The following SDCCAG8 variants were observed in gnomAD, a reference collection of about 807,000 sequenced individuals.
SDCCAG8 encodes the protein serologically defined colon cancer antigen 8.
A neutral mutation model predicts 101.8 loss-of-function variants in SDCCAG8; 74 were observed. The observed-to-expected ratio is 0.73, with a 90% CI of 0.60 to 0.88. The LOEUF is 0.88. Ranked by LOEUF, SDCCAG8 falls within the 40% of genes least tolerant of loss-of-function variation. The probability of loss-of-function intolerance (pLI) is 0.00; values close to 1 mark genes in which losing one functional copy is unlikely to be tolerated. For missense variants in SDCCAG8, 787 were observed against 822.6 expected (o/e 0.96, Z 0.53); for synonymous variants, 281 against 292.9 (o/e 0.96, Z 0.41).
At chr1:243,478,956 C>CAA (rs148382740) in intron 16 of SDCCAG8, among the ~76,000 whole-genome samples, 18 of 94,656 alleles carry the variant, frequency 1.9e-4, no homozygotes, top group East Asian at 9.4e-4. Context: ...GACTCTGTCT[C>CAA]AAAAAAAAAA....
intron 10 of SDCCAG8, among the ~76,000 whole-genome samples, chr1:243,338,290 T>C (rs561908308): frequency 6.6e-6 from 1 of 152,332 alleles, no homozygotes; most frequent in South Asian, 2.1e-4. Context: ...CAGTTAATCA[T>C]AACATTGTAA....
Position 243,476,463 on chromosome 1 carries a change from A to C in SDCCAG8, c.1986-12551A>C, listed in dbSNP as rs1662428646. ...AGTTTGACTATCCCAAGAATGGTCA[A>C]ATATGAAGGAAATTGAGGAAGACCT... is the stretch of plus-strand genomic sequence containing the variant. On this transcript the variant is annotated intron_variant, in intron 16 of 17. Transcript: ENST00000366541. The C allele has an allele frequency of 1.1e-5, 7 of 662,282 alleles. No individual in the cohort carries two copies. The South Asian group carries it at 2.7e-4, about 25-fold the overall frequency. 41.0% of individuals were successfully genotyped at this position (662,282 alleles called of 1,614,324 possible). A position where few individuals can be genotyped will look rare whatever the true frequency, so the allele number is the denominator to read the frequency against.
At position 243,489,010 on chromosome 1, in the gene SDCCAG8, C is replaced by T. The variant is rs1665718706; in HGVS notation, c.1986-4C>T. ...CTTTAATTCTGCGGTGGATTTTTCTCCAGGCTAAGGCAGCTGGATAAGCAC... is the reference window on the plus strand; with the variant it reads ...CTTTAATTCTGCGGTGGATTTTTCTTCAGGCTAAGGCAGCTGGATAAGCAC... On this transcript the variant is annotated splice_polypyrimidine_tract_variant and splice_region_variant and intron_variant, in intron 16 of 17. Coordinates refer to ENST00000366541, the MANE Select transcript of SDCCAG8 (RefSeq NM_006642.5). The T allele has an allele frequency of 1.9e-6, 3 of 1,613,254 alleles. No individual in the cohort carries two copies. The highest frequency in any genetic ancestry group is 2.5e-6 in the Non-Finnish European group (3 of 1,180,038).
At chr1:243,296,736 G>A (rs1437744327) in intron 6 of SDCCAG8, among the ~76,000 whole-genome samples, 13 of 150,788 alleles carry the variant, frequency 8.6e-5, no homozygotes, top group Non-Finnish European at 1.3e-4. Context: ...TAGTAGAGAC[G>A]GGGTTTCACC....
At chr1:243,319,361 T>TTTTATA (rs1388753416) in intron 9 of SDCCAG8, among the ~76,000 whole-genome samples, 10 of 152,100 alleles carry the variant, frequency 6.6e-5, no homozygotes, top group Non-Finnish European at 1.5e-4. Flanking sequence ...ACCCTTTCTA[T>TTTTATA]TTTATTTTTA....
At chr1:243,288,716 A>G (rs948412006) in intron 5 of SDCCAG8, among the ~76,000 whole-genome samples, 6 of 152,192 alleles carry the variant, frequency 3.9e-5, no homozygotes, top group Non-Finnish European at 5.9e-5. Context: ...TTTAAGAAAG[A>G]TAATTGAGGT....
At chr1:243,380,858 G>A (rs1246524480) in intron 13 of SDCCAG8, among the ~76,000 whole-genome samples, 2 of 152,166 alleles carry the variant, frequency 1.3e-5, no homozygotes, top group Non-Finnish European at 2.9e-5. Flanking sequence ...AATTAGAAAT[G>A]CAAGGAACTG....
intron 12 of SDCCAG8, among the ~76,000 whole-genome samples, chr1:243,362,935 C>G (rs2076801825): frequency 6.6e-6 from 1 of 152,216 alleles, no homozygotes; most frequent in African/African-American, 2.4e-5. Context: ...TGAATATAGA[C>G]ATTTGCATTT....
chr1:243,425,573 A>G (rs1012602428), intron 15 of SDCCAG8, among the ~76,000 whole-genome samples: 8 of 152,172 alleles, frequency 5.3e-5, no homozygotes, highest in African/African-American at 1.9e-4. Flanking sequence ...ATTAACCTGA[A>G]AACGACTCAT....
At chr1:243,276,075 C>G (rs2068545986) in intron 4 of SDCCAG8, among the ~76,000 whole-genome samples, 2 of 151,800 alleles carry the variant, frequency 1.3e-5, no homozygotes, top group Admixed American at 1.3e-4. Context: ...TGTTGGCCAG[C>G]ATGGTCTCGA....
intron 6 of SDCCAG8, among the ~76,000 whole-genome samples, chr1:243,294,707 C>CA (rs34343249): frequency 1.4e-5 from 2 of 140,678 alleles, no homozygotes; most frequent in Non-Finnish European, 1.6e-5. Context: ...CCCCCCCCCC[C>CA]CCACAGCTGC....
chr1:243,453,931 A>G (rs1038826623), intron 16 of SDCCAG8, among the ~76,000 whole-genome samples: 5 of 152,194 alleles, frequency 3.3e-5, no homozygotes, highest in Admixed American at 6.5e-5. Context: ...CTGGGTATAT[A>G]ACAATAATTG....
At chr1:243,389,672 C>T (rs1037365060) in intron 13 of SDCCAG8, among the ~76,000 whole-genome samples, 8 of 152,058 alleles carry the variant, frequency 5.3e-5, no homozygotes, top group Non-Finnish European at 1.0e-4. Flanking sequence ...AACAAATATG[C>T]TGATCATTTA....
At chr1:243,424,018 A>T (rs999324908) in intron 15 of SDCCAG8, among the ~76,000 whole-genome samples, 2 of 152,094 alleles carry the variant, frequency 1.3e-5, no homozygotes, top group African/African-American at 4.8e-5. Context: ...CTATTTTTTG[A>T]ATAATAGTGA....
At chr1:243,495,969 A>G (rs1254960369) in intron 17 of SDCCAG8, among the ~76,000 whole-genome samples, 1 of 152,172 alleles carries the variant, frequency 6.6e-6, no homozygotes, top group Admixed American at 6.5e-5. Flanking sequence ...CTTCAGAGAC[A>G]TGTGTTAGCT....
chr1:243,306,209 G>C (rs546282175), intron 7 of SDCCAG8: 64 of 151,322 alleles, frequency 4.2e-4, no homozygotes, highest in African/African-American at 1.5e-3. Context: ...ATTTCTCTTA[G>C]AGATTTTTAC....
chr1:243,372,954 CTATA>C (rs142842404), intron 12 of SDCCAG8, among the ~76,000 whole-genome samples: 14 of 131,728 alleles, frequency 1.1e-4, no homozygotes, highest in South Asian at 2.3e-4. Flanking sequence ...CTATATCTAT[CTATA>C]TATATATCTT....
chr1:243,310,905 G>A lies in SDCCAG8; in HGVS notation c.929+2728G>A, dbSNP rs140960909. On this transcript the variant is annotated intron_variant, in intron 8 of 17. Coordinates refer to ENST00000366541, the MANE Select transcript of SDCCAG8 (RefSeq NM_006642.5). ...CAATAAAAAAATTAAAGAACAACCC[G>A]TCAGACTGACAAAATAGAACAAGAT... is the stretch of plus-strand genomic sequence containing the variant. Among the ~76,000 whole-genome samples the A allele has an allele frequency of 4.1e-3, 631 of 152,244 alleles. 5 individuals carry two copies. Among genetic ancestry groups the A allele is most frequent in the African/African-American group, 0.011 (467 of 41,538 alleles).
chr1:243,328,750 A>G (rs182105447), intron 9 of SDCCAG8, among the ~76,000 whole-genome samples: 2 of 152,298 alleles, frequency 1.3e-5, no homozygotes, highest in Non-Finnish European at 1.5e-5. Flanking sequence ...TTTTCACTGT[A>G]TCATCCTATC....
Sources: gnomAD v4.1 joint callset for allele counts (sites outside exome capture counted in the v4.1 genomes callset) on GRCh38, gnomAD v4.1.1 for gene constraint, MANE v1.5 for transcripts, NCBI Gene and HGNC (gene_info 2026-07-23, HGNC 2026-07-21) for gene names.